ZNF597: variants seen among roughly 807,000 people sequenced by gnomAD.
The protein encoded by ZNF597 is zinc finger protein 597.
In ZNF597, 5 loss-of-function variants were observed where a neutral mutation model predicts 7.3. The observed-to-expected ratio is 0.68, with a 90% CI of 0.36 to 1.44. The LOEUF is 1.44. Ranked by LOEUF, ZNF597 falls within the 40% of genes most tolerant of loss-of-function variation. The pLI is 0.04. For synonymous variants in ZNF597, 209 were observed against 185.4 expected (o/e 1.13, Z -1.04); for missense variants, 585 against 517.9 (o/e 1.13, Z -1.26).
chr16:3,438,941 C>A (rs181315647), intron 3 of ZNF597, among the ~76,000 whole-genome samples: 2 of 152,234 alleles, frequency 1.3e-5, no homozygotes, highest in African/African-American at 4.8e-5. Flanking sequence ...CATGGGAATC[C>A]AAACAGTACC....
chr16:3,439,378 G>A (rs903041252), intron 3 of ZNF597, among the ~76,000 whole-genome samples: 2 of 150,802 alleles, frequency 1.3e-5, no homozygotes, highest in East Asian at 2.0e-4. Flanking sequence ...TCAAGATACT[G>A]TATCAAAAAA....
intron 3 of ZNF597, among the ~76,000 whole-genome samples, chr16:3,439,078 C>A (rs998099140): frequency 6.6e-5 from 10 of 152,050 alleles, no homozygotes; most frequent in African/African-American, 2.4e-4. Context: ...TACATGGGGT[C>A]CCCTTAAGAC....
rs2034297268 is a variant in ZNF597, at chr16:3,436,074, T to C, written c.*350A>G. On this transcript the variant is annotated 3_prime_UTR_variant, in exon 4 of 4. Coordinates refer to ENST00000301744, the MANE Select transcript of ZNF597 (RefSeq NM_152457.3). ...GCAAAATATAAATAAATTCTCCTCC[T>C]TCTAAAAGTCAGAAACTACGTAAAC... is the stretch of plus-strand genomic sequence containing the variant. The C allele has an allele frequency of 4.6e-6, 1 of 215,516 alleles. No individual in the cohort carries two copies. The highest frequency in any genetic ancestry group is 9.2e-6 in the Non-Finnish European group (1 of 108,888). 13.4% of individuals were successfully genotyped at this position (215,516 alleles called of 1,614,324 possible).
rs1176335722 is a variant in ZNF597, at chr16:3,436,964, A to G, written c.735T>C (p.Cys245=). The G allele has an allele frequency of 7.7e-5, 125 of 1,614,188 alleles. No individual in the cohort carries two copies. Among genetic ancestry groups the G allele is most frequent in the Non-Finnish European group, 1.1e-4 (124 of 1,180,022 alleles). ...CTGGGAGCCACATAAAACCTCTACC[A>G]CATATGCTACATGTATAGGGCTTCT... ...VKEKPYTCSI[C]GRGFMWLPGL... is the part of the protein sequence containing the mutation. The change falls in exon 4 of 4, where the codon TGT becomes TGC. Residue 245 remains cysteine, a synonymous_variant. Transcript: ENST00000301744.
Position 3,436,325 on chromosome 16 carries a change from A to G in ZNF597, c.*99T>C, listed in dbSNP as rs2034299543. ...TTAAGTATTACATGGGAATGTGTGT[A>G]AAGTGCTTAGCACATTGCCTGGGAC... On this transcript the variant is annotated 3_prime_UTR_variant, in exon 4 of 4. Transcript: ENST00000301744. 3 of 1,140,926 alleles carry G rather than the reference A, an allele frequency of 2.6e-6. No individual in the cohort carries two copies. Among genetic ancestry groups the G allele is most frequent in the East Asian group, 2.5e-5 (1 of 40,072 alleles). 70.7% of individuals were successfully genotyped at this position (1,140,926 alleles called of 1,614,324 possible). A position where few individuals can be genotyped will look rare whatever the true frequency, so the allele number is the denominator to read the frequency against.
chr16:3,437,146 T>C lies in ZNF597; in HGVS notation c.553A>G (p.Lys185Glu), dbSNP rs2034313249. Reference sequence around the variant, plus strand: ...AAGATCTTTCCACAGTCACCACATTTATGTTTTTTCTCTCCTGAATGAATT... The same window carrying C: ...AAGATCTTTCCACAGTCACCACATTCATGTTTTTTCTCTCCTGAATGAATT... The part of the protein sequence containing the change: ...QKIHSGEKKH[K>E]CGDCGKIFNH... Residue 185 changes from lysine (K) to glutamate (E), a missense_variant, in exon 4 of 4, where the codon AAA (lysine) becomes GAA (glutamate). Transcript: ENST00000301744. The C allele has an allele frequency of 1.2e-6, 2 of 1,614,084 alleles. No homozygotes were observed. Among genetic ancestry groups the C allele is most frequent in the South Asian group, 1.1e-5 (1 of 91,090 alleles).
rs2034281506 is a variant in ZNF597 at position 3,434,434 on chromosome 16, A to C, written c.*1990T>G. 1 of 152,252 alleles carries C rather than the reference A, an allele frequency of 6.6e-6. No homozygotes were observed. Among genetic ancestry groups the C allele is most frequent in the Non-Finnish European group, 1.5e-5 (1 of 68,044 alleles). 9.4% of individuals were successfully genotyped at this position (152,252 alleles called of 1,614,324 possible). ...CTTTCTACACATTTCAAAGCACCTC[A>C]GAGAAACCTGGAAGCTGGTGTCCTG... On this transcript the variant is annotated 3_prime_UTR_variant, in exon 4 of 4. Coordinates refer to ENST00000301744, the MANE Select transcript of ZNF597 (RefSeq NM_152457.3).
rs569327096 is a variant in ZNF597, at chr16:3,437,480, G to A, written c.219C>T (p.Asp73=). The A allele has an allele frequency of 2.2e-5, 36 of 1,613,904 alleles. No individual in the cohort carries two copies. The highest frequency in any genetic ancestry group is 6.7e-5 in the East Asian group (3 of 44,902). Reference sequence around the variant, plus strand: ...TGGGGTACTTTTCTAAGGCAAGCTCGTCAAGTTCCATAGACTCTAGGCTTA... The same window carrying A: ...TGGGGTACTTTTCTAAGGCAAGCTCATCAAGTTCCATAGACTCTAGGCTTA... ...QQLSLESMEL[D]ELALEKYPIA... The change falls in exon 4 of 4, where the codon GAC becomes GAT. Residue 73 remains aspartate (D), a synonymous_variant. Coordinates refer to ENST00000301744, the MANE Select transcript of ZNF597 (RefSeq NM_152457.3).
intron 2 of ZNF597, 134 bp from the exon 3 acceptor site, chr16:3,441,067 G>T: frequency 4.0e-6 from 5 of 1,243,654 alleles, no homozygotes; most frequent in African/African-American, 1.5e-5. Context: ...CTTGAGCGCA[G>T]AAGTAGGGCA....
rs1407255149 is a variant in ZNF597, at chr16:3,433,372, G to C, written c.*3052C>G. On this transcript the variant is annotated 3_prime_UTR_variant, in exon 4 of 4. Transcript: ENST00000301744. ...CAGCAATCATGTTAAGGAACTGTTG[G>C]ATATACATTTTCATCACTGCATCAA... 2 of 152,154 alleles carry C rather than the reference G, an allele frequency of 1.3e-5. No individual in the cohort carries two copies. The highest frequency in any genetic ancestry group is 6.5e-5 in the Admixed American group (1 of 15,272). 9.4% of individuals were successfully genotyped at this position (152,154 alleles called of 1,614,324 possible).
chr16:3,440,966 G>A, intron 2 of ZNF597, 33 bp from the exon 3 acceptor site: 1 of 1,604,560 alleles, frequency 6.2e-7, no homozygotes, highest in Non-Finnish European at 8.5e-7. Flanking sequence ...AGCACAAGAG[G>A]GTGGAGGGTC....
At position 3,433,572 on chromosome 16, in the gene ZNF597, C is replaced by A. The variant is rs943985348; in HGVS notation, c.*2852G>T. On this transcript the variant is annotated 3_prime_UTR_variant, in exon 4 of 4. Coordinates refer to ENST00000301744, the MANE Select transcript of ZNF597 (RefSeq NM_152457.3). ...TTTTATCCAGTATTTGTGAATAGCA[C>A]CTAACATGGAAGGCTAGTATCTGAG... 6.8e-6 allele frequency: 1 copy of A among 147,860 alleles called. No homozygotes were observed. The highest frequency in any genetic ancestry group is 2.6e-5 in the African/African-American group (1 of 38,776). The allele number at this position is 147,860 out of a possible 1,614,324, so 9.2% of individuals were successfully genotyped here. A position where few individuals can be genotyped will look rare whatever the true frequency, so the allele number is the denominator to read the frequency against.
chr16:3,440,469 C>T (rs1385328838), intron 3 of ZNF597, among the ~76,000 whole-genome samples: 2 of 152,076 alleles, frequency 1.3e-5, no homozygotes, highest in African/African-American at 4.8e-5. Flanking sequence ...CCTGTCTCTA[C>T]TAAAAATACA....
intron 3 of ZNF597, among the ~76,000 whole-genome samples, chr16:3,439,708 T>A (rs1262775866): frequency 1.3e-5 from 2 of 151,992 alleles, no homozygotes; most frequent in Non-Finnish European, 2.9e-5. Flanking sequence ...AAAATATTTT[T>A]AAAAATACAA....
chr16:3,436,909 C>G lies in ZNF597; in HGVS notation c.790G>C (p.Ala264Pro). ...TTAGTAGATTCGTAGGTGTTTTCAG[C>G]ACTGTGGCTTTTCTGATGCTGTGCC... Reference protein sequence around the residue: ...GLAQHQKSHSAENTYESTNCD... With the variant: ...GLAQHQKSHSPENTYESTNCD... The change falls in exon 4 of 4, where the codon GCT becomes CCT. Residue 264 changes from alanine (A) to proline (P), a missense_variant. Transcript: ENST00000301744. 6.2e-7 allele frequency: 1 copy of G among 1,614,192 alleles called. No individual in the cohort carries two copies. The highest frequency in any genetic ancestry group is 8.5e-7 in the Non-Finnish European group (1 of 1,180,028).
Position 3,434,915 on chromosome 16 carries a change from A to G in ZNF597, c.*1509T>C, listed in dbSNP as rs2034285818. On this transcript the variant is annotated 3_prime_UTR_variant, in exon 4 of 4. Transcript: ENST00000301744. ...TAAATATTGTTTTGCTGATAGGCAT[A>G]CAATCGACTTTAATGAGAAATTGTA... 1 of 152,254 alleles carries G rather than the reference A, an allele frequency of 6.6e-6. No individual in the cohort carries two copies. The highest frequency in any genetic ancestry group is 1.5e-5 in the Non-Finnish European group (1 of 68,038). 9.4% of individuals were successfully genotyped at this position (152,254 alleles called of 1,614,324 possible). A position where few individuals can be genotyped will look rare whatever the true frequency, so the allele number is the denominator to read the frequency against.
At position 3,443,002 on chromosome 16, in the gene ZNF597, A is replaced by T. The variant is rs543665672; in HGVS notation, c.33+119T>A. The T allele has an allele frequency of 4.9e-6, 6 of 1,221,198 alleles. No homozygotes were observed. The East Asian group carries it at 1.4e-4, about 29-fold the overall frequency. 75.6% of individuals were successfully genotyped at this position (1,221,198 alleles called of 1,614,324 possible). On this transcript the variant is annotated intron_variant, in intron 2 of 3. Coordinates refer to ENST00000301744, the MANE Select transcript of ZNF597 (RefSeq NM_152457.3). The stretch of plus-strand genomic sequence containing the variant: ...ACGAAGAACACTTGGTCAAAGGGCT[A>T]TTTGGGGCTCAGGAGCACTCCTACC...
rs191075748 is a variant in ZNF597, at chr16:3,432,508, T to C, written c.*3916A>G. 3.4e-3 allele frequency: 511 copies of C among 152,320 alleles called. 4 individuals are homozygous for C. Among genetic ancestry groups the C allele is most frequent in the African/African-American group, 0.012 (479 of 41,576 alleles). The allele number at this position is 152,320 out of a possible 1,614,324, so 9.4% of individuals were successfully genotyped here. A position where few individuals can be genotyped will look rare whatever the true frequency, so the allele number is the denominator to read the frequency against. On this transcript the variant is annotated 3_prime_UTR_variant, in exon 4 of 4. Transcript: ENST00000301744. ...GCTTGCAAACTAGAGTGAAGACTGA[T>C]GAGAATACGTCAAAAAGAGTAAGAC...
In ZNF597 at chr16:3,432,845, G is replaced by T. The variant is rs554343090; in HGVS notation, c.*3579C>A. Reference sequence around the variant, plus strand: ...TGAACATCATTTTGTTAAACAGATGGTCAAAGCAAATACACTTTCCTACTA... The same window carrying T: ...TGAACATCATTTTGTTAAACAGATGTTCAAAGCAAATACACTTTCCTACTA... On this transcript the variant is annotated 3_prime_UTR_variant, in exon 4 of 4. Coordinates refer to ENST00000301744, the MANE Select transcript of ZNF597 (RefSeq NM_152457.3). 5.3e-5 allele frequency: 8 copies of T among 152,288 alleles called. No individual in the cohort carries two copies. Among genetic ancestry groups the T allele is most frequent in the African/African-American group, 1.9e-4 (8 of 41,552 alleles). 9.4% of individuals were successfully genotyped at this position (152,288 alleles called of 1,614,324 possible).
Sources: allele counts gnomAD v4.1 joint callset (sites outside exome capture counted in the v4.1 genomes callset), GRCh38; gene constraint gnomAD v4.1.1; transcripts MANE v1.5; gene names NCBI Gene and HGNC (gene_info 2026-07-23, HGNC 2026-07-21).